The following HNF4G variants were observed in gnomAD, a reference collection of about 807,000 sequenced individuals.
HNF4G encodes the protein hepatocyte nuclear factor 4 gamma, also known as hepatocyte nuclear factor 4-gamma.
HNF4G carries 21 observed loss-of-function variants against 50.9 expected under a neutral mutation model. That is an observed-to-expected ratio of 0.41 (90% CI 0.29 to 0.59). The LOEUF (loss-of-function observed/expected upper bound fraction) is 0.59, where lower values mean the gene tolerates loss of function less well. Ranked by LOEUF, HNF4G falls within the 20% of genes least tolerant of loss-of-function variation. The pLI is 0.26. For missense variants in HNF4G, 527 were observed against 559.4 expected, an observed-to-expected ratio of 0.94 and a Z score of 0.58; for synonymous variants, 198 against 185.6, an observed-to-expected ratio of 1.07 and a Z score of -0.54.
chr8:75,449,342 A>G (rs1275042667), intron 1 of HNF4G, among the ~76,000 whole-genome samples: 2 of 152,118 alleles, frequency 1.3e-5, no homozygotes, highest in Admixed American at 1.3e-4. Flanking sequence ...ACATAAACAA[A>G]TGGTTATACC....
intron 1 of HNF4G, among the ~76,000 whole-genome samples, chr8:75,458,886 A>AT (rs1491195805): frequency 6.6e-6 from 1 of 152,104 alleles, no homozygotes; most frequent in Non-Finnish European, 1.5e-5. Flanking sequence ...TATTTAATGG[A>AT]TATGATATTA....
At chr8:75,411,319 G>C (rs991310587) in intron 1 of HNF4G, among the ~76,000 whole-genome samples, 7 of 152,196 alleles carry the variant, frequency 4.6e-5, no homozygotes, top group African/African-American at 1.7e-4. Flanking sequence ...CCTGGGGAAG[G>C]CACTTTTCTA....
chr8:75,422,458 G>C (rs772263099), intron 1 of HNF4G, among the ~76,000 whole-genome samples: 4 of 152,036 alleles, frequency 2.6e-5, no homozygotes, highest in Non-Finnish European at 5.9e-5. Flanking sequence ...GTGAATACTA[G>C]GTAAAATTAA....
chr8:75,516,648 A>G (rs1805895785), intron 2 of HNF4G, among the ~76,000 whole-genome samples: 2 of 152,118 alleles, frequency 1.3e-5, no homozygotes, highest in Non-Finnish European at 2.9e-5. Flanking sequence ...TCAGTTACTG[A>G]GAGATGAGTG....
intron 1 of HNF4G, among the ~76,000 whole-genome samples, chr8:75,471,067 G>A (rs1812101917): frequency 6.6e-6 from 1 of 152,198 alleles, no homozygotes; most frequent in South Asian, 2.1e-4. Context: ...ATAAAGTCCT[G>A]ACAATCTCTC....
At chr8:75,557,318 C>G (rs537882064) in intron 6 of HNF4G, among the ~76,000 whole-genome samples, 1 of 152,110 alleles carries the variant, frequency 6.6e-6, no homozygotes, top group African/African-American at 2.4e-5. Flanking sequence ...AATGTAGATA[C>G]AAATTAAAAC....
intron 1 of HNF4G, among the ~76,000 whole-genome samples, chr8:75,461,444 C>T (rs956437405): frequency 2.0e-5 from 3 of 152,108 alleles, no homozygotes; most frequent in Non-Finnish European, 4.4e-5. Context: ...TTTAAGGACC[C>T]TTGCGATTAT....
chr8:75,471,029 G>A (rs371408378), intron 1 of HNF4G, among the ~76,000 whole-genome samples: 2 of 152,130 alleles, frequency 1.3e-5, no homozygotes, highest in African/African-American at 2.4e-5. Context: ...CCTTAATAAC[G>A]TTCTAGTTTG....
chr8:75,553,146 G>T lies in HNF4G; in HGVS notation c.594G>T (p.Val198=). ...TGAAACAGCAGCTCTTAGTCTTGGT[G>T]GAATGGGCTAAATATATTCCTGCCT... The part of the protein sequence containing the change: ...ESMKQQLLVL[V]EWAKYIPAFC... Residue 198 remains valine, a synonymous_variant, in exon 5 of 10, where the codon GTG becomes GTT. Coordinates refer to ENST00000396423, the MANE Select transcript of HNF4G (RefSeq NM_004133.5). The T allele has an allele frequency of 6.2e-7, 1 of 1,613,108 alleles. No homozygotes were observed. The highest frequency in any genetic ancestry group is 8.5e-7 in the Non-Finnish European group (1 of 1,179,364).
At chr8:75,427,066 A>C (rs1810103573) in intron 1 of HNF4G, among the ~76,000 whole-genome samples, 1 of 152,224 alleles carries the variant, frequency 6.6e-6, no homozygotes, top group South Asian at 2.1e-4. Context: ...TTGCTATTAC[A>C]TGAGAAGTGA....
chr8:75,410,204 C>G (rs1810468621), intron 1 of HNF4G, among the ~76,000 whole-genome samples: 1 of 152,074 alleles, frequency 6.6e-6, no homozygotes, highest in Non-Finnish European at 1.5e-5. Flanking sequence ...ATGGGTACTG[C>G]TGAATATTTA....
chr8:75,491,917 T>C (rs961127097), intron 2 of HNF4G, among the ~76,000 whole-genome samples: 17 of 152,152 alleles, frequency 1.1e-4, no homozygotes, highest in Non-Finnish European at 1.3e-4. Context: ...CAAAGAACAA[T>C]GCTTGCCCCA....
chr8:75,425,231 C>T (rs1810865775), intron 1 of HNF4G, among the ~76,000 whole-genome samples: 2 of 151,856 alleles, frequency 1.3e-5, no homozygotes, highest in African/African-American at 2.4e-5. Flanking sequence ...ATTACAGGCA[C>T]CTGCCATCAT....
chr8:75,496,747 A>C (rs1469645514), intron 2 of HNF4G, among the ~76,000 whole-genome samples: 2 of 152,054 alleles, frequency 1.3e-5, no homozygotes, highest in African/African-American at 4.8e-5. Context: ...AAAAAGACAT[A>C]GAAAACATAG....
At chr8:75,540,202 T>A (rs1027827532) in intron 1 of HNF4G, 122 bp downstream of exon 1, 22 of 609,868 alleles carry the variant, frequency 3.6e-5, no homozygotes, top group Non-Finnish European at 5.9e-5. Context: ...GGCTTGCTTT[T>A]AAGGCCACAG....
At chr8:75,512,229 A>G (rs1805773315) in intron 2 of HNF4G, among the ~76,000 whole-genome samples, 1 of 151,840 alleles carries the variant, frequency 6.6e-6, no homozygotes. Flanking sequence ...AATATTTAAG[A>G]AAAGCAATGC....
At chr8:75,554,621 T>A (rs1200516661) in intron 5 of HNF4G, among the ~76,000 whole-genome samples, 5 of 152,178 alleles carry the variant, frequency 3.3e-5, no homozygotes, top group African/African-American at 1.2e-4. Flanking sequence ...CAAATGAATA[T>A]TTATTAGGAG....
chr8:75,563,158 T>G lies in HNF4G; in HGVS notation c.1247-817T>G, dbSNP rs576167319. On this transcript the variant is annotated intron_variant, in intron 9 of 9. Transcript: ENST00000396423. ...AACATTTTCTGTTAGTTCTGTTTAC[T>G]ATGTGGAATAATACAATAACAATAA... is the stretch of plus-strand genomic sequence containing the variant. Among the ~76,000 whole-genome samples, 4 of 152,278 alleles carry G rather than the reference T, an allele frequency of 2.6e-5. No individual in the cohort carries two copies. In the South Asian group the frequency reaches 6.2e-4, roughly 24 times the overall value.
intron 1 of HNF4G, among the ~76,000 whole-genome samples, chr8:75,474,424 C>G (rs1444554627): frequency 6.6e-6 from 1 of 152,106 alleles, no homozygotes; most frequent in Admixed American, 6.6e-5. Flanking sequence ...TTTGACCACT[C>G]TCCATATTAT....
Sources: gnomAD v4.1 joint callset for allele counts (sites outside exome capture counted in the v4.1 genomes callset) on GRCh38, gnomAD v4.1.1 for gene constraint, MANE v1.5 for transcripts, NCBI Gene and HGNC (gene_info 2026-07-23, HGNC 2026-07-21) for gene names.